Variants in ANO5 observed in about 807,000 individuals in gnomAD.
The protein encoded by ANO5 is anoctamin 5.
ANO5 carries 109 observed loss-of-function variants against 121.0 expected under a neutral mutation model. That is an observed-to-expected ratio of 0.90 (90% CI 0.77 to 1.06). The LOEUF is 1.06. Among genes scored for constraint, ANO5 ranks in the 50% least tolerant of loss-of-function variants. ANO5 has a pLI of 0.00. For missense variants in ANO5, 1,064 were observed against 1,078.5 expected, an observed-to-expected ratio of 0.99 and a Z score of 0.19; for synonymous variants, 406 against 359.9, an observed-to-expected ratio of 1.13 and a Z score of -1.45.
At position 22,269,132 on chromosome 11, in the gene ANO5, AAAGG is replaced by A. The variant is rs137864175; in HGVS notation, c.1899-1175_1899-1172del. Among the ~76,000 whole-genome samples the A allele has an allele frequency of 0.012, 1,827 of 150,424 alleles. 129 individuals are homozygous for A. The East Asian group carries it at 0.19, about 16-fold the overall frequency. ...AGGGAGGGATTAAAGAAAGGAAAGG[AAAGG>A]AAGGGAGAAAGGAAAGGAAAGGGAA... On this transcript the variant is annotated intron_variant, in intron 17 of 21. Transcript: ENST00000324559.
intron 21 of ANO5, among the ~76,000 whole-genome samples, chr11:22,277,525 C>T (rs2133804689): frequency 6.6e-6 from 1 of 151,634 alleles, no homozygotes; most frequent in African/African-American, 2.4e-5. Context: ...TATATAAATA[C>T]AATAGTCAGG....
At chr11:22,211,210 T>G in intron 2 of ANO5, 54 bp from the exon 3 acceptor site, 1 of 1,581,858 alleles carries the variant, frequency 6.3e-7, no homozygotes, top group Non-Finnish European at 8.7e-7. Context: ...AAAGCACCCT[T>G]TGCTCCACCT....
rs1222904668 is a variant in ANO5, at chr11:22,203,851, G to A, written c.87+1G>A. ...AGACTACTCTTTCCAAATGAGTGAGGTAAGTTAAATATATATGCATTAACT... is the reference window on the plus strand; with the variant it reads ...AGACTACTCTTTCCAAATGAGTGAGATAAGTTAAATATATATGCATTAACT... On this transcript the variant is annotated splice_donor_variant, in intron 2 of 21. Coordinates refer to ENST00000324559, the MANE Select transcript of ANO5 (RefSeq NM_213599.3). LOFTEE classifies it high-confidence loss of function. 1 of 1,467,978 alleles carries A rather than the reference G, an allele frequency of 6.8e-7. No homozygotes were observed. Among genetic ancestry groups the A allele is most frequent in the East Asian group, 2.3e-5 (1 of 43,342 alleles). 90.9% of individuals were successfully genotyped at this position (1,467,978 alleles called of 1,614,324 possible).
At chr11:22,278,272 T>C (rs1487026201) in intron 21 of ANO5, among the ~76,000 whole-genome samples, 2 of 151,624 alleles carry the variant, frequency 1.3e-5, no homozygotes, top group African/African-American at 4.8e-5. Context: ...AAACACTCAT[T>C]GAGCCCCTTA....
At chr11:22,261,762 C>G (rs1477443010) in intron 15 of ANO5, 1 of 243,952 alleles carries the variant, frequency 4.1e-6, no homozygotes, top group Non-Finnish European at 8.0e-6. Flanking sequence ...TGGCCTCCCA[C>G]CAGGTCCCTC....
At chr11:22,198,965 A>G (rs1459836544) in intron 1 of ANO5, among the ~76,000 whole-genome samples, 1 of 152,206 alleles carries the variant, frequency 6.6e-6, no homozygotes, top group Non-Finnish European at 1.5e-5. Context: ...GGTAAAACCC[A>G]TTGATGATAA....
In ANO5 at chr11:22,266,431, T is replaced by C. The variant is rs539904872; in HGVS notation, c.1898+3388T>C. Among the ~76,000 whole-genome samples the C allele has an allele frequency of 1.8e-4, 28 of 152,348 alleles. 1 individual carries two copies. The highest frequency in any genetic ancestry group is 6.7e-4 in the African/African-American group (28 of 41,594). Reference sequence around the variant, plus strand: ...AATGTTCCTCTTAATCCACATTTGCTACAGTACTTCATATTGTCTTATTAA... The same window carrying C: ...AATGTTCCTCTTAATCCACATTTGCCACAGTACTTCATATTGTCTTATTAA... On this transcript the variant is annotated intron_variant, in intron 17 of 21. Coordinates refer to ENST00000324559, the MANE Select transcript of ANO5 (RefSeq NM_213599.3).
In ANO5 at chr11:22,279,531, A is replaced by G. The variant is rs76850415; in HGVS notation, c.2521-13A>G. The G allele has an allele frequency of 0.035, 56,628 of 1,598,086 alleles. 1,120 individuals carry two copies. Among genetic ancestry groups the G allele is most frequent in the Middle Eastern group, 0.041 (214 of 5,168 alleles). On this transcript the variant is annotated splice_polypyrimidine_tract_variant and intron_variant, in intron 21 of 21. Transcript: ENST00000324559. ...TCTAACAGCGTCTAATCTTTCCTTT[A>G]TATTTCCTCTAGCATGTTGTGTTTT...
chr11:22,271,065 CTGTT>C (rs150687395), intron 18 of ANO5, among the ~76,000 whole-genome samples: 24 of 152,180 alleles, frequency 1.6e-4, no homozygotes, highest in African/African-American at 4.6e-4. Context: ...ATTAAGGAAA[CTGTT>C]TGAGACAGAG....
At chr11:22,264,933 A>G (rs1854311890) in intron 17 of ANO5, among the ~76,000 whole-genome samples, 2 of 152,328 alleles carry the variant, frequency 1.3e-5, no homozygotes, top group Non-Finnish European at 1.5e-5. Context: ...TAACAAATAT[A>G]TGACATTTAA....
chr11:22,250,604 C>A, intron 10 of ANO5, 137 bp from the exon 11 acceptor site: 4 of 1,037,588 alleles, frequency 3.9e-6, no homozygotes, highest in East Asian at 5.1e-5. Flanking sequence ...ATGACTTGAC[C>A]CACTATAGAA....
At position 22,279,882 on chromosome 11, in the gene ANO5, T is replaced by C. The variant is rs1483184364; in HGVS notation, c.*117T>C. ...ACCCTTTCTTTTTTTTTTTTTTCTT[T>C]TTTTTTTTAAACTCAAAGTTTTTAT... On this transcript the variant is annotated 3_prime_UTR_variant, in exon 22 of 22. Coordinates refer to ENST00000324559, the MANE Select transcript of ANO5 (RefSeq NM_213599.3). 7 of 932,140 alleles carry C rather than the reference T, an allele frequency of 7.5e-6. No individual in the cohort carries two copies. Among genetic ancestry groups the C allele is most frequent in the Non-Finnish European group, 9.6e-6 (6 of 626,348 alleles). The allele number at this position is 932,140 out of a possible 1,614,324, so 57.7% of individuals were successfully genotyped here.
At chr11:22,223,305 A>T (rs1852718200) in intron 5 of ANO5, among the ~76,000 whole-genome samples, 1 of 152,084 alleles carries the variant, frequency 6.6e-6, no homozygotes, top group Non-Finnish European at 1.5e-5. Context: ...CAAAGTCTGG[A>T]GGAAACCAGG....
intron 16 of ANO5, 133 bp downstream of exon 16, chr11:22,262,431 G>A (rs866259043): frequency 4.3e-6 from 4 of 939,136 alleles, no homozygotes; most frequent in Non-Finnish European, 6.4e-6. Context: ...TCCACAGAGA[G>A]TATTGTTCAC....
rs1039368112 is a variant in ANO5, at chr11:22,231,686, A to G, written c.648+4100A>G. ...CTGGTATTTATACATTTCAGCATAA[A>G]TGTAAGTTTTCTGCTAAAAGAGATA... On this transcript the variant is annotated intron_variant, in intron 7 of 21. Coordinates refer to ENST00000324559, the MANE Select transcript of ANO5 (RefSeq NM_213599.3). Among the ~76,000 whole-genome samples the G allele has an allele frequency of 3.8e-4, 57 of 151,844 alleles. 1 individual carries two copies. Among genetic ancestry groups the G allele is most frequent in the African/African-American group, 1.3e-3 (56 of 41,494 alleles).
chr11:22,213,177 T>C (rs1427211592), intron 3 of ANO5, among the ~76,000 whole-genome samples: 1 of 151,876 alleles, frequency 6.6e-6, no homozygotes, highest in Non-Finnish European at 1.5e-5. Context: ...ATGGTACATT[T>C]GTAACAATTA....
Position 22,227,488 on chromosome 11 carries a change from C to A in ANO5, c.550C>A (p.Pro184Thr), listed in dbSNP as rs1434595370. The A allele has an allele frequency of 1.2e-6, 2 of 1,613,558 alleles. No individual in the cohort carries two copies. Residue 184 changes from proline to threonine, a missense_variant, in exon 7 of 22, where the codon CCT (proline) becomes ACT (threonine). Transcript: ENST00000324559. ...RLPLSVKYPH[P>T]EYFTAQFSRH... Reference sequence around the variant, plus strand: ...CCCACTGAGTGTGAAGTATCCCCATCCTGAATATTTTACTGCACAATTCAG... The same window carrying A: ...CCCACTGAGTGTGAAGTATCCCCATACTGAATATTTTACTGCACAATTCAG...
rs529180630 is a variant in ANO5 at position 22,212,606 on chromosome 11, G to T, written c.138+1292G>T. 2.5e-4 allele frequency among the ~76,000 whole-genome samples: 38 copies of T among 152,002 alleles called. 1 individual carries two copies. In the South Asian group the frequency reaches 7.5e-3, roughly 30 times the overall value. On this transcript the variant is annotated intron_variant, in intron 3 of 21. Coordinates refer to ENST00000324559, the MANE Select transcript of ANO5 (RefSeq NM_213599.3). ...CCCACAACCCTATCAGCAGTGTGTT[G>T]TTATGCTTTTAGATTCTTGCCTGTC...
Position 22,262,415 on chromosome 11 carries a change from ACT to A in ANO5, c.1800+120_1800+121del, listed in dbSNP as rs752390667. ...AATTACAAAATATATCTAGGCACTGACTCTATCCACAGAGAGTATTGTTCACA... is the reference window on the plus strand; with the variant it reads ...AATTACAAAATATATCTAGGCACTGACTATCCACAGAGAGTATTGTTCACA... On this transcript the variant is annotated intron_variant, in intron 16 of 21. Transcript: ENST00000324559. The A allele has an allele frequency of 2.1e-4, 216 of 1,038,324 alleles. No homozygotes were observed. In the African/African-American group the frequency reaches 3.0e-3, roughly 14 times the overall value. The allele number at this position is 1,038,324 out of a possible 1,614,324, so 64.3% of individuals were successfully genotyped here. A position where few individuals can be genotyped will look rare whatever the true frequency, so the allele number is the denominator to read the frequency against.
Sources: allele counts gnomAD v4.1 joint callset (sites outside exome capture counted in the v4.1 genomes callset), GRCh38; gene constraint gnomAD v4.1.1; transcripts MANE v1.5; gene names NCBI Gene and HGNC (gene_info 2026-07-23, HGNC 2026-07-21).